ANKH: variants seen among roughly 807,000 people sequenced by gnomAD.
The protein encoded by ANKH is mineralization regulator ANKH.
In ANKH, 15 loss-of-function variants were observed where a neutral mutation model predicts 49.0. The observed-to-expected ratio is 0.31, with a 90% CI of 0.20 to 0.47. ANKH has a LOEUF of 0.47. Ranked by LOEUF, ANKH falls within the 20% of genes least tolerant of loss-of-function variation. The pLI is 1.00. For missense variants in ANKH, 429 were observed against 652.0 expected (o/e 0.66, Z 3.72); for synonymous variants, 273 against 260.0 (o/e 1.05, Z -0.48).
At chr5:14,857,025 G>A (rs763406467) in intron 1 of ANKH, among the ~76,000 whole-genome samples, 1 of 152,166 alleles carries the variant, frequency 6.6e-6, no homozygotes, top group African/African-American at 2.4e-5. Context: ...TCTCTGTCTG[G>A]AACCCTGCAG....
At chr5:14,773,405 G>C (rs957339301) in intron 1 of ANKH, among the ~76,000 whole-genome samples, 1 of 131,938 alleles carries the variant, frequency 7.6e-6, no homozygotes, top group African/African-American at 2.9e-5. Context: ...CCTGGGCTGA[G>C]GCATCCACTG....
rs964145914 is a variant in ANKH, at chr5:14,745,474, C to T, written c.915+396G>A. 2.0e-5 allele frequency among the ~76,000 whole-genome samples: 3 copies of T among 152,080 alleles called. No homozygotes were observed. Among genetic ancestry groups the T allele is most frequent in the Non-Finnish European group, 2.9e-5 (2 of 68,032 alleles). On this transcript the variant is annotated intron_variant, in intron 7 of 11. Coordinates refer to ENST00000284268, the MANE Select transcript of ANKH (RefSeq NM_054027.6). This position sits in a 1 kb window ranked among gnomAD's most constrained non-coding sequence, Gnocchi z 4.7. ...AGGCCAGCCCACAGAAAGACAGCCA[C>T]GCACGGCTTCCTGCCTACACCTTAG...
intron 1 of ANKH, among the ~76,000 whole-genome samples, chr5:14,824,087 C>CATCTACATGACATTTT (rs1376141722): frequency 6.6e-6 from 1 of 152,124 alleles, no homozygotes; most frequent in Non-Finnish European, 1.5e-5. Flanking sequence ...GACAAAAACC[C>CATCTACATGACATTTT]ATCTCCATGA....
chr5:14,716,794 T>G lies in ANKH; in HGVS notation c.1053A>C (p.Lys351Asn), dbSNP rs1203226509. The change falls in exon 9 of 12, where the codon AAA (lysine) becomes AAC (asparagine). Residue 351 changes from lysine (K) to asparagine (N), a missense_variant. Transcript: ENST00000284268. ...CCACTCCGATGATGTCTATCAAGATTTTCTCAGACACGTTGGGTGTCCAAA... is the reference window on the plus strand; with the variant it reads ...CCACTCCGATGATGTCTATCAAGATGTTCTCAGACACGTTGGGTGTCCAAA... ...VMFWTPNVSE[K>N]ILIDIIGVDF... 1 of 1,614,044 alleles carries G rather than the reference T, an allele frequency of 6.2e-7. No individual in the cohort carries two copies. The highest frequency in any genetic ancestry group is 1.3e-5 in the African/African-American group (1 of 74,940).
At chr5:14,812,579 C>G (rs927900007) in intron 1 of ANKH, among the ~76,000 whole-genome samples, 5 of 152,202 alleles carry the variant, frequency 3.3e-5, no homozygotes, top group Non-Finnish European at 1.5e-5. Context: ...CTTCCTTGCC[C>G]TTGAGCCCTG....
At chr5:14,789,156 A>T (rs1740076260) in intron 1 of ANKH, among the ~76,000 whole-genome samples, 1 of 152,122 alleles carries the variant, frequency 6.6e-6, no homozygotes, top group Admixed American at 6.6e-5. Flanking sequence ...TGAACCTTGG[A>T]GGCAGAGGTT....
intron 6 of ANKH, among the ~76,000 whole-genome samples, chr5:14,747,308 G>A (rs988188161): frequency 1.3e-5 from 2 of 152,202 alleles, no homozygotes; most frequent in Non-Finnish European, 2.9e-5. Flanking sequence ...GACCAGCCAT[G>A]GTAGCTTAAG....
chr5:14,830,241 T>C (rs1334462585), intron 1 of ANKH, among the ~76,000 whole-genome samples: 2 of 152,236 alleles, frequency 1.3e-5, no homozygotes, highest in Non-Finnish European at 2.9e-5. Flanking sequence ...TCATCCTCTT[T>C]TATTCCTGGG....
Position 14,856,416 on chromosome 5 carries a change from T to A in ANKH, c.96+14936A>T, listed in dbSNP as rs77184914. 1.4e-3 allele frequency among the ~76,000 whole-genome samples: 206 copies of A among 150,904 alleles called. 3 individuals are homozygous for A. In the East Asian group the frequency reaches 0.039, roughly 29 times the overall value. ...CCAAAAGAAGGCATATCAATCTTTA[T>A]CCCTATTTACAGTTGAAAAAGTTGA... is the stretch of plus-strand genomic sequence containing the variant. On this transcript the variant is annotated intron_variant, in intron 1 of 11. Transcript: ENST00000284268.
At chr5:14,714,092 G>A (rs1196860145) in intron 9 of ANKH, among the ~76,000 whole-genome samples, 2 of 152,266 alleles carry the variant, frequency 1.3e-5, no homozygotes, top group African/African-American at 4.8e-5. Flanking sequence ...CATCTTCCCT[G>A]CCTGCGGTCA....
chr5:14,804,200 C>A (rs1287680612), intron 1 of ANKH, among the ~76,000 whole-genome samples: 3 of 152,158 alleles, frequency 2.0e-5, no homozygotes, highest in Non-Finnish European at 4.4e-5. Flanking sequence ...CCAGCTAGTT[C>A]TCCTTTTCTA....
intron 4 of ANKH, among the ~76,000 whole-genome samples, chr5:14,752,129 G>A (rs1395666509): frequency 1.3e-5 from 2 of 152,128 alleles, no homozygotes; most frequent in African/African-American, 2.4e-5. Context: ...GCAACTTAGT[G>A]AGACCCCATC....
At chr5:14,767,443 A>G (rs1031032984) in intron 2 of ANKH, among the ~76,000 whole-genome samples, 4 of 152,254 alleles carry the variant, frequency 2.6e-5, no homozygotes, top group African/African-American at 9.6e-5. Flanking sequence ...ATAAAAACTA[A>G]TAATGATTAT....
intron 3 of ANKH, among the ~76,000 whole-genome samples, chr5:14,756,936 T>G (rs967321971): frequency 6.6e-6 from 1 of 152,228 alleles, no homozygotes; most frequent in African/African-American, 2.4e-5. Context: ...ACAAATGTTC[T>G]GGTGTTCTAT....
intron 5 of ANKH, among the ~76,000 whole-genome samples, chr5:14,750,142 T>C (rs6864641): frequency 0.35 from 52,921 of 152,048 alleles, 11,387 homozygotes; most frequent in African/African-American, 0.61. Flanking sequence ...TACTGCTTGA[T>C]ACGACAAAGT....
chr5:14,843,175 CT>C (rs34837612), intron 1 of ANKH, among the ~76,000 whole-genome samples: 42,756 of 132,136 alleles, frequency 0.32, 6,117 homozygotes, highest in Admixed American at 0.37. Context: ...CCAGGGTTCT[CT>C]TTTTTTTTTT....
chr5:14,745,702 C>T lies in ANKH; in HGVS notation c.915+168G>A, dbSNP rs1227383080. On this transcript the variant is annotated intron_variant, in intron 7 of 11. Transcript: ENST00000284268. The surrounding 1 kb of genome is among the most constrained non-coding windows in gnomAD (Gnocchi z 4.7). ...CGTCAAAGGTAAGCTTCAACTTGCC[C>T]CTGTTATTTTCTGAGGAAAATATTC... 6.6e-6 allele frequency among the ~76,000 whole-genome samples: 1 copy of T among 152,166 alleles called. No individual in the cohort carries two copies. The highest frequency in any genetic ancestry group is 1.5e-5 in the Non-Finnish European group (1 of 68,040).
At chr5:14,726,424 G>A (rs1170760710) in intron 8 of ANKH, among the ~76,000 whole-genome samples, 1 of 152,168 alleles carries the variant, frequency 6.6e-6, no homozygotes, top group African/African-American at 2.4e-5. Context: ...GGCAGGGCAA[G>A]CAGGGGAAGG....
chr5:14,871,343 G>C lies in ANKH; in HGVS notation c.96+9C>G, dbSNP rs966471178. ...GCGAGCGGGCGTGGGGCGCGGGGCC[G>C]GGGCTTACCTGCTCCCCGAAGTCGA... On this transcript the variant is annotated intron_variant, in intron 1 of 11. Transcript: ENST00000284268. The C allele has an allele frequency of 3.1e-6, 5 of 1,609,576 alleles. No homozygotes were observed. Among genetic ancestry groups the C allele is most frequent in the African/African-American group, 2.7e-5 (2 of 74,736 alleles).
Sources: allele counts gnomAD v4.1 joint callset (sites outside exome capture counted in the v4.1 genomes callset), GRCh38; gene constraint gnomAD v4.1.1; non-coding constraint Gnocchi (gnomAD v3.1); transcripts MANE v1.5; gene names NCBI Gene and HGNC (gene_info 2026-07-23, HGNC 2026-07-21).